The following BCLAF3 variants were observed in gnomAD, a reference collection of about 807,000 sequenced individuals.
BCLAF3 encodes transient octamer binding factor 1.
BCLAF3 carries 24 observed loss-of-function variants against 51.2 expected under a neutral mutation model. That is an observed-to-expected ratio of 0.47 (90% CI 0.34 to 0.66). The LOEUF is 0.66. BCLAF3 is among the 30% of genes least tolerant of loss of function. The probability of loss-of-function intolerance (pLI) is 0.01; values close to 1 mark genes in which losing one functional copy is unlikely to be tolerated. For synonymous variants in BCLAF3, 152 were observed against 176.6 expected (o/e 0.86, Z 1.10); for missense variants, 465 against 525.1 (o/e 0.89, Z 1.12).
intron 4 of BCLAF3, among the ~76,000 whole-genome samples, chrX:19,963,283 G>A (rs1275739901): frequency 3.9e-5 from 4 of 103,425 alleles, no homozygotes; most frequent in African/African-American, 1.1e-4. Context: ...GAGCTCAAGC[G>A]ATCCTTCCAC....
At chrX:19,930,641 G>A (rs755291481) in intron 10 of BCLAF3, 1 of 195,641 alleles carries the variant, frequency 5.1e-6, no homozygotes, top group South Asian at 6.4e-5. Flanking sequence ...CAGTCTGGGT[G>A]ACAGAGCGAG....
In BCLAF3 at chrX:19,980,825, G is replaced by A. The variant is rs1022621825; in HGVS notation, c.-35+10083C>T. ...GTGGTGTTGCACACCTGTAGTCCCA[G>A]GTACTCGGGAGGCTGAGACACGAGA... On this transcript the variant is annotated intron_variant, in intron 1 of 11. Coordinates refer to ENST00000379682, the MANE Select transcript of BCLAF3 (RefSeq NM_001367774.2). Among the ~76,000 whole-genome samples, 7 of 109,525 alleles carry A rather than the reference G, an allele frequency of 6.4e-5. No homozygotes were observed. The East Asian group carries it at 1.1e-3, about 18-fold the overall frequency.
rs774132104 is a variant in BCLAF3, at chrX:19,966,656, A to C, written c.42-7T>G. On this transcript the variant is annotated splice_region_variant and splice_polypyrimidine_tract_variant and intron_variant, in intron 2 of 11. Coordinates refer to ENST00000379682, the MANE Select transcript of BCLAF3 (RefSeq NM_001367774.2). ...AGGTACTGGTGATAAAGACCTATGT[A>C]AACAAACACAGAAAAGTGTAAACCA... 3 of 1,191,603 alleles carry C rather than the reference A, an allele frequency of 2.5e-6. No individual in the cohort carries two copies. The South Asian group carries it at 5.5e-5, about 22-fold the overall frequency.
chrX:19,950,084 C>T (rs1327094178), intron 8 of BCLAF3, among the ~76,000 whole-genome samples: 3 of 111,619 alleles, frequency 2.7e-5, no homozygotes, highest in African/African-American at 9.8e-5. Context: ...TGTGCCAACT[C>T]GTTTAATACT....
intron 1 of BCLAF3, among the ~76,000 whole-genome samples, chrX:19,979,024 C>T (rs1380403311): frequency 1.8e-5 from 2 of 111,279 alleles, no homozygotes; most frequent in Non-Finnish European, 3.8e-5. Context: ...CTTTGGAAGG[C>T]CAATGCAGGT....
At chrX:19,924,428 G>A (rs1387424562) in intron 11 of BCLAF3, among the ~76,000 whole-genome samples, 2 of 111,568 alleles carry the variant, frequency 1.8e-5, no homozygotes, top group East Asian at 5.6e-4. Context: ...AAGTGATGAT[G>A]CCCTTATGCA....
At chrX:19,918,267 T>C (rs1459555878) in intron 11 of BCLAF3, among the ~76,000 whole-genome samples, 1 of 111,409 alleles carries the variant, frequency 9.0e-6, no homozygotes, top group Non-Finnish European at 1.9e-5. Flanking sequence ...TTCCTTTAAA[T>C]AGAGGTAGAC....
chrX:19,982,598 CAT>C (rs2072653134), intron 1 of BCLAF3, among the ~76,000 whole-genome samples: 2 of 109,343 alleles, frequency 1.8e-5, no homozygotes, highest in South Asian at 3.9e-4. Flanking sequence ...CACACACACA[CAT>C]GCACAGAAAA....
In BCLAF3 at chrX:19,935,818, T is replaced by G. The variant is rs1399071843; in HGVS notation, c.1941A>C (p.Arg647Ser). The change falls in exon 10 of 12, where the codon AGA becomes AGC. Residue 647 changes from arginine to serine, a missense_variant. Coordinates refer to ENST00000379682, the MANE Select transcript of BCLAF3 (RefSeq NM_001367774.2). ...AAACAACACTCAATACCTTAAAAGG[T>G]CTTACTCTTGTGTTTCGGTGGTTTC... ...VEGNHRNTRVRPFKSNFRGGR... is the reference protein window; with the variant it reads ...VEGNHRNTRVSPFKSNFRGGR... 3 of 1,203,327 alleles carry G rather than the reference T, an allele frequency of 2.5e-6. No individual in the cohort carries two copies. In the African/African-American group the frequency reaches 5.3e-5, roughly 21 times the overall value.
At chrX:19,954,938 G>T (rs1318563795) in intron 5 of BCLAF3, among the ~76,000 whole-genome samples, 1 of 112,017 alleles carries the variant, frequency 8.9e-6, no homozygotes, top group East Asian at 2.8e-4. Flanking sequence ...AAGCAAACTA[G>T]AATCTTTCAC....
At position 19,937,526 on chromosome X, in the gene BCLAF3, A is replaced by C. The variant is rs962752644; in HGVS notation, c.1752T>G (p.Asp584Glu). ...FHIASAAERD[D>E]QNSSFSKVKN... The stretch of plus-strand genomic sequence containing the variant: ...TTACCTTTGAAAAACTGGAATTCTG[A>C]TCATCCCTAATAAGGAAACAGAGAA... Residue 584 changes from aspartate to glutamate, a missense_variant, in exon 9 of 12, where the codon GAT becomes GAG. Coordinates refer to ENST00000379682, the MANE Select transcript of BCLAF3 (RefSeq NM_001367774.2). 1 of 1,018,506 alleles carries C rather than the reference A, an allele frequency of 9.8e-7. No homozygotes were observed. Among genetic ancestry groups the C allele is most frequent in the African/African-American group, 1.9e-5 (1 of 52,988 alleles). 83.9% of individuals were successfully genotyped at this position (1,018,506 alleles called of 1,213,427 possible). A position where few individuals can be genotyped will look rare whatever the true frequency, so the allele number is the denominator to read the frequency against.
intron 1 of BCLAF3, among the ~76,000 whole-genome samples, chrX:19,976,048 C>A (rs779170765): frequency 3.6e-5 from 4 of 111,292 alleles, no homozygotes; most frequent in Non-Finnish European, 7.5e-5. Flanking sequence ...AAACTAACAA[C>A]CTCAAATTTA....
chrX:19,931,339 C>T (rs764837708), intron 10 of BCLAF3, among the ~76,000 whole-genome samples: 1 of 111,650 alleles, frequency 9.0e-6, no homozygotes, highest in African/African-American at 3.2e-5. Flanking sequence ...TGTCTGCCTG[C>T]ATTTCCAAGC....
intron 1 of BCLAF3, among the ~76,000 whole-genome samples, chrX:19,978,651 G>C (rs2072509759): frequency 8.9e-6 from 1 of 112,361 alleles, no homozygotes; most frequent in South Asian, 3.7e-4. Context: ...ATGTTTAGTT[G>C]ATAAAGCAGT....
At chrX:19,935,653 A>G (rs1025323368) in intron 10 of BCLAF3, 156 bp downstream of exon 10, 14 of 472,362 alleles carry the variant, frequency 3.0e-5, no homozygotes, top group African/African-American at 9.6e-5. Flanking sequence ...TCATCAACAA[A>G]TTGGTTACAG....
chrX:19,989,861 T>G, intron 1 of BCLAF3, among the ~76,000 whole-genome samples: 1 of 111,331 alleles, frequency 9.0e-6, no homozygotes, highest in Non-Finnish European at 1.9e-5. Context: ...TAAGACGTTT[T>G]AAAGGTTTCT....
intron 11 of BCLAF3, among the ~76,000 whole-genome samples, chrX:19,920,436 A>ATG (rs757361344): frequency 0.011 from 1,173 of 110,002 alleles, 9 homozygotes; most frequent in Middle Eastern, 0.019. Flanking sequence ...ATATGGATGG[A>ATG]TGTGTGTGTG....
chrX:19,957,084 C>T (rs188540281), intron 4 of BCLAF3, among the ~76,000 whole-genome samples: 2 of 112,000 alleles, frequency 1.8e-5, no homozygotes, highest in East Asian at 5.6e-4. Context: ...TTCCGTGCTC[C>T]CTGCTCTCAG....
intron 1 of BCLAF3, among the ~76,000 whole-genome samples, chrX:19,980,788 A>T (rs1405905839): frequency 9.1e-6 from 1 of 109,365 alleles, no homozygotes; most frequent in African/African-American, 3.3e-5. Context: ...AAATACAAAA[A>T]ATTAGACAGG....
Sources: gnomAD v4.1 joint callset for allele counts (sites outside exome capture counted in the v4.1 genomes callset) on GRCh38, gnomAD v4.1.1 for gene constraint, MANE v1.5 for transcripts, NCBI Gene and HGNC (gene_info 2026-07-23, HGNC 2026-07-21) for gene names.